Variants in HS6ST3 observed in about 807,000 individuals in gnomAD.
The protein encoded by HS6ST3 is heparan-sulfate 6-O-sulfotransferase 3.
Under a neutral mutation model 36.7 loss-of-function variants are expected in HS6ST3, and 12 were observed. That is an observed-to-expected ratio of 0.33 (90% CI 0.21 to 0.53). The LOEUF (loss-of-function observed/expected upper bound fraction) is 0.53, where lower values mean the gene tolerates loss of function less well. HS6ST3 is among the 20% of genes least tolerant of loss of function. The pLI is 0.95. For synonymous variants in HS6ST3, 240 were observed against 257.5 expected (o/e 0.93, Z 0.65); for missense variants, 584 against 640.9 (o/e 0.91, Z 0.96).
chr13:96,740,954 GGAAGTTA>G (rs1876422846), intron 1 of HS6ST3, among the ~76,000 whole-genome samples: 2 of 152,144 alleles, frequency 1.3e-5, no homozygotes, highest in African/African-American at 4.8e-5. Flanking sequence ...CGTAACTGTG[GGAAGTTA>G]GAAGTAGCAG....
At chr13:96,209,912 A>G (rs1039840434) in intron 1 of HS6ST3, among the ~76,000 whole-genome samples, 1 of 152,038 alleles carries the variant, frequency 6.6e-6, no homozygotes, top group Non-Finnish European at 1.5e-5. Context: ...CCTTTGTCTA[A>G]TTATCACTGT....
chr13:96,515,888 G>C (rs1440913077), intron 1 of HS6ST3, among the ~76,000 whole-genome samples: 1 of 152,082 alleles, frequency 6.6e-6, no homozygotes, highest in Non-Finnish European at 1.5e-5. Context: ...GCAGCGTATA[G>C]TATAGTCTAA....
At chr13:96,804,731 C>T (rs1210122443) in intron 1 of HS6ST3, among the ~76,000 whole-genome samples, 10 of 151,908 alleles carry the variant, frequency 6.6e-5, no homozygotes, top group African/African-American at 7.3e-5. Context: ...GCATGGAATG[C>T]GGGAGAAACC....
At chr13:96,573,876 C>T in intron 1 of HS6ST3, 1 of 476,032 alleles carries the variant, frequency 2.1e-6, no homozygotes, top group Non-Finnish European at 4.1e-6. Context: ...ATCAGGAGCA[C>T]TGAGCCCTCT....
At chr13:96,816,789 G>C (rs1171870330) in intron 1 of HS6ST3, among the ~76,000 whole-genome samples, 1 of 152,176 alleles carries the variant, frequency 6.6e-6, no homozygotes, top group African/African-American at 2.4e-5. Flanking sequence ...AGCGCTCCAA[G>C]AGGCTTTCTG....
At chr13:96,115,279 T>C (rs1423580691) in intron 1 of HS6ST3, among the ~76,000 whole-genome samples, 1 of 152,184 alleles carries the variant, frequency 6.6e-6, no homozygotes, top group Non-Finnish European at 1.5e-5. Context: ...TGTTTTTATT[T>C]GTTTGTTTTA....
chr13:96,429,863 T>C (rs1382325444), intron 1 of HS6ST3, among the ~76,000 whole-genome samples: 1 of 152,196 alleles, frequency 6.6e-6, no homozygotes, highest in Non-Finnish European at 1.5e-5. Flanking sequence ...ATTTGACAAA[T>C]TGTAGTTTAT....
chr13:96,600,076 C>T (rs2056415912), intron 1 of HS6ST3, among the ~76,000 whole-genome samples: 1 of 151,958 alleles, frequency 6.6e-6, no homozygotes, highest in African/African-American at 2.4e-5. Flanking sequence ...GGAAAATGCA[C>T]CATGCGCTGA....
intron 1 of HS6ST3, among the ~76,000 whole-genome samples, chr13:96,701,019 A>G (rs1875271991): frequency 6.6e-6 from 1 of 152,252 alleles, no homozygotes; most frequent in Non-Finnish European, 1.5e-5. Flanking sequence ...TCACAATTTA[A>G]GGGTGAAGAG....
intron 1 of HS6ST3, among the ~76,000 whole-genome samples, chr13:96,293,534 T>G (rs1165876678): frequency 2.6e-5 from 4 of 152,078 alleles, no homozygotes; most frequent in African/African-American, 7.2e-5. Context: ...CACACACAGA[T>G]AAGACATACA....
chr13:96,544,106 A>G (rs1220801044), intron 1 of HS6ST3, among the ~76,000 whole-genome samples: 1 of 152,140 alleles, frequency 6.6e-6, no homozygotes, highest in African/African-American at 2.4e-5. Flanking sequence ...GCATAGCAAC[A>G]AAAGGGCAAG....
intron 1 of HS6ST3, among the ~76,000 whole-genome samples, chr13:96,170,637 C>A (rs574885348): frequency 6.6e-6 from 1 of 152,132 alleles, no homozygotes; most frequent in South Asian, 2.1e-4. Context: ...AATCTTAGGA[C>A]TCAGATTGAT....
chr13:96,346,530 G>C (rs1304325315), intron 1 of HS6ST3, among the ~76,000 whole-genome samples: 2 of 151,146 alleles, frequency 1.3e-5, no homozygotes, highest in East Asian at 1.9e-4. Context: ...AGCCGAGATC[G>C]CGCCACTGCA....
chr13:96,384,399 A>G (rs1461112555), intron 1 of HS6ST3, among the ~76,000 whole-genome samples: 2 of 152,184 alleles, frequency 1.3e-5, no homozygotes, highest in Non-Finnish European at 2.9e-5. Flanking sequence ...GTCAAGTATG[A>G]TTACTGAAAA....
chr13:96,637,488 G>A (rs2056554029), intron 1 of HS6ST3, among the ~76,000 whole-genome samples: 1 of 152,102 alleles, frequency 6.6e-6, no homozygotes, highest in Admixed American at 6.6e-5. Context: ...TACTTCAAAA[G>A]CTTGTTCTGC....
intron 1 of HS6ST3, among the ~76,000 whole-genome samples, chr13:96,831,980 A>AC (rs1555326629): frequency 7.0e-6 from 1 of 141,906 alleles, no homozygotes; most frequent in Non-Finnish European, 1.6e-5. Flanking sequence ...AAAAAAAAAA[A>AC]CAGAGATTAA....
At chr13:96,734,033 G>A (rs971453900) in intron 1 of HS6ST3, among the ~76,000 whole-genome samples, 1 of 152,180 alleles carries the variant, frequency 6.6e-6, no homozygotes, top group African/African-American at 2.4e-5. Flanking sequence ...ATGCACATCA[G>A]ATCCTGGCCA....
chr13:96,323,586 G>T (rs2055015425), intron 1 of HS6ST3, among the ~76,000 whole-genome samples: 1 of 152,256 alleles, frequency 6.6e-6, no homozygotes, highest in South Asian at 2.1e-4. Flanking sequence ...TTGACTCGTT[G>T]CTGTTTGTGG....
At chr13:96,552,387 G>A (rs2056222685) in intron 1 of HS6ST3, among the ~76,000 whole-genome samples, 1 of 152,202 alleles carries the variant, frequency 6.6e-6, no homozygotes, top group Non-Finnish European at 1.5e-5. Flanking sequence ...TACTCTGAAG[G>A]TGACACGCTG....
Sources: allele counts gnomAD v4.1 joint callset (sites outside exome capture counted in the v4.1 genomes callset), GRCh38; gene constraint gnomAD v4.1.1; transcripts MANE v1.5; gene names NCBI Gene and HGNC (gene_info 2026-07-23, HGNC 2026-07-21).